The following PDE1C variants were observed in gnomAD, a reference collection of about 807,000 sequenced individuals.
The protein encoded by PDE1C is phosphodiesterase 1C.
PDE1C carries 62 observed loss-of-function variants against 93.1 expected under a neutral mutation model. That is an observed-to-expected ratio of 0.67 (90% CI 0.54 to 0.82). The LOEUF is 0.82. Ranked by LOEUF, PDE1C falls within the 40% of genes least tolerant of loss-of-function variation. The pLI is 0.00. For missense variants in PDE1C, 742 were observed against 884.6 expected (o/e 0.84, Z 2.04); for synonymous variants, 325 against 310.1 (o/e 1.05, Z -0.50).
At chr7:32,281,125 C>T (rs1475411418) in intron 1 of PDE1C, among the ~76,000 whole-genome samples, 4 of 152,050 alleles carry the variant, frequency 2.6e-5, no homozygotes, top group Admixed American at 6.5e-5. Context: ...AATTAAATCT[C>T]TACCTTATTA....
intron 9 of PDE1C, among the ~76,000 whole-genome samples, chr7:31,842,049 T>C (rs1791969511): frequency 6.6e-6 from 1 of 152,170 alleles, no homozygotes; most frequent in Non-Finnish European, 1.5e-5. Context: ...TACCCTCTTA[T>C]ATGTTAATCT....
At chr7:32,106,839 A>C (rs1311676477) in intron 3 of PDE1C, among the ~76,000 whole-genome samples, 1 of 152,158 alleles carries the variant, frequency 6.6e-6, no homozygotes, top group African/African-American at 2.4e-5. Context: ...AAGTATAAAA[A>C]ACAGACTCAA....
rs184940851 is a variant in PDE1C, at chr7:31,944,525, C to G, written c.129-63665G>C. Among the ~76,000 whole-genome samples, 537 of 152,342 alleles carry G rather than the reference C, an allele frequency of 3.5e-3. 3 individuals carry two copies. The highest frequency in any genetic ancestry group is 0.012 in the African/African-American group (511 of 41,584). ...AACAACTGCCATTCTCCACCCTTCT[C>G]TGGCACAAAATGCAATTCAACATAA... On this transcript the variant is annotated intron_variant, in intron 2 of 17. Coordinates refer to ENST00000396191, the MANE Select transcript of PDE1C (RefSeq NM_001191057.4).
the PDE1C span, among the ~76,000 whole-genome samples, chr7:31,693,167 A>C: frequency 2.0e-5 from 3 of 152,096 alleles, no homozygotes; most frequent in South Asian, 4.1e-4. Flanking sequence ...ATTTGCCATC[A>C]AGATATTTTA....
intron 1 of PDE1C, among the ~76,000 whole-genome samples, chr7:32,396,735 T>A (rs1222097621): frequency 2.6e-5 from 4 of 152,156 alleles, no homozygotes; most frequent in Admixed American, 6.5e-5. Context: ...ATGTTTTTTT[T>A]AAACTGGTGC....
intron 5 of PDE1C, among the ~76,000 whole-genome samples, chr7:31,876,122 C>T (rs958163605): frequency 2.0e-5 from 3 of 152,006 alleles, no homozygotes; most frequent in Non-Finnish European, 4.4e-5. Flanking sequence ...GAGTCTATAT[C>T]TGTGATCGCT....
the PDE1C span, among the ~76,000 whole-genome samples, chr7:31,620,390 C>T: frequency 4.0e-5 from 6 of 151,850 alleles, no homozygotes; most frequent in South Asian, 4.2e-4. Context: ...CTCACACGGC[C>T]GGGTACTCCT....
chr7:31,662,782 C>T, the PDE1C span, among the ~76,000 whole-genome samples: 1 of 152,188 alleles, frequency 6.6e-6, no homozygotes, highest in Non-Finnish European at 1.5e-5. Flanking sequence ...ATTCCTACTT[C>T]TACTGCCTTG....
At chr7:31,940,471 A>C (rs867234011) in intron 2 of PDE1C, among the ~76,000 whole-genome samples, 23 of 152,338 alleles carry the variant, frequency 1.5e-4, no homozygotes, top group African/African-American at 5.5e-4. Flanking sequence ...AAACTACAGA[A>C]GCCTGAAGTC....
At chr7:32,225,052 C>T (rs552946606) in intron 1 of PDE1C, among the ~76,000 whole-genome samples, 4 of 150,662 alleles carry the variant, frequency 2.7e-5, no homozygotes, top group East Asian at 2.0e-4. Flanking sequence ...TTAAAATATA[C>T]GACTAAGTAT....
In PDE1C at chr7:31,850,644, G is replaced by A; in HGVS notation, c.848C>T (p.Thr283Ile). The change falls in exon 8 of 18, where the codon ACT (threonine) becomes ATT (isoleucine). Residue 283 changes from threonine (T) to isoleucine (I), a missense_variant. Coordinates refer to ENST00000396191, the MANE Select transcript of PDE1C (RefSeq NM_001191057.4). ...CCAAACATTTAAACACCCTCACCGA[G>A]TCTGAATGTGGAAATTGTTGGTGGT... is the stretch of plus-strand genomic sequence containing the variant. The part of the protein sequence containing the change: ...TGTTNNFHIQ[T>I]RSDPAILYND... 1.9e-6 allele frequency: 3 copies of A among 1,606,992 alleles called. No homozygotes were observed. The highest frequency in any genetic ancestry group is 2.6e-6 in the Non-Finnish European group (3 of 1,173,616).
the PDE1C span, among the ~76,000 whole-genome samples, chr7:31,733,953 G>A: frequency 9.9e-5 from 15 of 152,222 alleles, no homozygotes; most frequent in Admixed American, 1.3e-4. Flanking sequence ...GCAGTGAGCC[G>A]AGATCATGCC....
chr7:31,772,932 C>A (rs957372698), intron 17 of PDE1C, among the ~76,000 whole-genome samples: 2 of 152,198 alleles, frequency 1.3e-5, no homozygotes, highest in African/African-American at 2.4e-5. Flanking sequence ...GGCAGGGGCC[C>A]CCATGGCACA....
chr7:31,673,192 C>T, the PDE1C span, among the ~76,000 whole-genome samples: 1 of 152,290 alleles, frequency 6.6e-6, no homozygotes, highest in Admixed American at 6.5e-5. Flanking sequence ...TAATTGGAAA[C>T]TGTTGGCATA....
intron 2 of PDE1C, among the ~76,000 whole-genome samples, chr7:31,987,980 G>A (rs1208309425): frequency 6.6e-6 from 1 of 152,198 alleles, no homozygotes; most frequent in Non-Finnish European, 1.5e-5. Flanking sequence ...GCTTCCTGTT[G>A]AGTTTCTGTT....
At chr7:32,029,209 GA>G (rs1789925692) in intron 2 of PDE1C, among the ~76,000 whole-genome samples, 1 of 150,728 alleles carries the variant, frequency 6.6e-6, no homozygotes, top group Non-Finnish European at 1.5e-5. Context: ...CTCAGATGGA[GA>G]AAAAAGGAAA....
intron 16 of PDE1C, chr7:31,789,191 T>A (rs950385837): frequency 1.3e-5 from 2 of 152,214 alleles, no homozygotes; most frequent in Non-Finnish European, 1.5e-5. Context: ...AATCCCACTT[T>A]ACTTGCACTC....
intron 1 of PDE1C, among the ~76,000 whole-genome samples, chr7:32,277,235 C>T (rs191720499): frequency 6.6e-6 from 1 of 152,152 alleles, no homozygotes; most frequent in Non-Finnish European, 1.5e-5. Flanking sequence ...GGTGATGGAG[C>T]AAGACCCTGC....
the PDE1C span, among the ~76,000 whole-genome samples, chr7:31,656,739 A>G: frequency 1.3e-5 from 2 of 152,186 alleles, no homozygotes; most frequent in African/African-American, 4.8e-5. Context: ...AGATGACTTC[A>G]TGTGTGATGG....
Sources: gnomAD v4.1 joint callset for allele counts (sites outside exome capture counted in the v4.1 genomes callset) on GRCh38, gnomAD v4.1.1 for gene constraint, MANE v1.5 for transcripts, NCBI Gene and HGNC (gene_info 2026-07-23, HGNC 2026-07-21) for gene names.